LENG8: variants seen among roughly 807,000 people sequenced by gnomAD.
The protein encoded by LENG8 is leukocyte receptor cluster member 8, also known as leukocyte receptor cluster (LRC) member 8.
LENG8 carries 28 observed loss-of-function variants against 102.1 expected under a neutral mutation model. The observed-to-expected ratio is 0.27, with a 90% CI of 0.20 to 0.38. The LOEUF is 0.38. LENG8 is among the 10% of genes least tolerant of loss of function. The pLI, the probability that LENG8 is intolerant of heterozygous loss-of-function variation, is 1.00. For missense variants in LENG8, 1,022 were observed against 1,113.9 expected, an observed-to-expected ratio of 0.92 and a Z score of 1.17; for synonymous variants, 531 against 456.7, an observed-to-expected ratio of 1.16 and a Z score of -2.07.
At chr19:54,455,803 C>T (rs55854356) in intron 8 of LENG8, among the ~76,000 whole-genome samples, 164 bp from the exon 9 acceptor site, 6,304 of 152,176 alleles carry the variant, frequency 0.041, 212 homozygotes, top group South Asian at 0.13. Context: ...CCTCTGGAGA[C>T]GGAAAACCTG....
intron 5 of LENG8, 34 bp from the exon 6 acceptor site, chr19:54,454,396 G>A (rs1014689539): frequency 3.9e-6 from 6 of 1,554,204 alleles, no homozygotes; most frequent in Non-Finnish European, 1.7e-6. Context: ...CCCAGAATCT[G>A]CCTCCCGTGC....
At chr19:54,460,540 A>C in intron 15 of LENG8, 1 of 1,401,448 alleles carries the variant, frequency 7.1e-7, no homozygotes, top group East Asian at 2.7e-5. Flanking sequence ...TGGCCCCCGC[A>C]CAGGTAAGTG....
rs376535594 is a variant in LENG8, at chr19:54,455,553, G to A, written c.1011G>A (p.Arg337=). 7.7e-4 allele frequency: 1,234 copies of A among 1,611,188 alleles called. 16 individuals are homozygous for A. The South Asian group carries it at 0.013, about 17-fold the overall frequency. Residue 337 remains arginine, a synonymous_variant, in exon 8 of 16, where the codon CGG becomes CGA. Coordinates refer to ENST00000326764, the MANE Select transcript of LENG8 (RefSeq NM_052925.4). ...DGSAYTIDWS[R]EPLPGLTREP... ...CGGCCTATACCATTGACTGGAGCCG[G>A]GAGCCCTTGCCGGGGTTAGTCTGGG...
At chr19:54,456,273 T>G in intron 9 of LENG8, 28 bp downstream of exon 9, 1 of 1,613,980 alleles carries the variant, frequency 6.2e-7, no homozygotes, top group Non-Finnish European at 8.5e-7. Context: ...TGGGGCTGTG[T>G]GTGAGGGAGG....
At position 54,458,168 on chromosome 19, in the gene LENG8, T is replaced by C. The variant is rs746743510; in HGVS notation, c.1968T>C (p.Pro656=). ...QLKSLYAENL[P]GNVGEFTAYR... ...AGTCGCTGTACGCCGAGAACTTGCCTGGCAATGTGGGCGAGTTTACTGCCT... is the reference window on the plus strand; with the variant it reads ...AGTCGCTGTACGCCGAGAACTTGCCCGGCAATGTGGGCGAGTTTACTGCCT... Residue 656 remains proline (P), a synonymous_variant, in exon 14 of 16, where the codon CCT becomes CCC. Coordinates refer to ENST00000326764, the MANE Select transcript of LENG8 (RefSeq NM_052925.4). 2 of 1,614,212 alleles carry C rather than the reference T, an allele frequency of 1.2e-6. No individual in the cohort carries two copies. The highest frequency in any genetic ancestry group is 2.2e-5 in the South Asian group (2 of 91,088).
intron 1 of LENG8, among the ~76,000 whole-genome samples, chr19:54,450,564 A>G (rs1333876790): frequency 4.7e-5 from 7 of 148,316 alleles, no homozygotes; most frequent in Non-Finnish European, 8.9e-5. Context: ...GACTCTTCTC[A>G]TTATAGCATC....
At chr19:54,453,056 C>T (rs182558883) in intron 4 of LENG8, among the ~76,000 whole-genome samples, 4,702 of 152,322 alleles carry the variant, frequency 0.031, 120 homozygotes, top group South Asian at 0.13. Context: ...GCCCTGGCTG[C>T]AGTGCTCCCT....
At chr19:54,459,238 A>G in intron 15 of LENG8, 1 of 1,060,112 alleles carries the variant, frequency 9.4e-7, no homozygotes, top group Non-Finnish European at 1.1e-6. Context: ...AGTGGAGGCC[A>G]GGGATGCTGC....
rs755281707 is a variant in LENG8, at chr19:54,460,751, C to T, written c.2241-15C>T. 5.2e-6 allele frequency: 5 copies of T among 955,906 alleles called. No individual in the cohort carries two copies. Among genetic ancestry groups the T allele is most frequent in the African/African-American group, 1.8e-5 (1 of 56,700 alleles). The allele number at this position is 955,906 out of a possible 1,614,324, so 59.2% of individuals were successfully genotyped here. ...CGCCCGCCCGCCTCATCACCTTCTC[C>T]TCTTGTCTCCATAGCTTCCGCCCTG... On this transcript the variant is annotated splice_polypyrimidine_tract_variant and intron_variant, in intron 15 of 15. Coordinates refer to ENST00000326764, the MANE Select transcript of LENG8 (RefSeq NM_052925.4).
intron 15 of LENG8, chr19:54,460,321 G>T: frequency 8.1e-7 from 1 of 1,235,376 alleles, no homozygotes; most frequent in African/African-American, 1.5e-5. Context: ...TCAGTGTGTA[G>T]TGGTGAGTGC....
chr19:54,458,844 C>G (rs1367744928), intron 15 of LENG8: 1 of 1,550,808 alleles, frequency 6.4e-7, no homozygotes, highest in South Asian at 1.2e-5. Flanking sequence ...ACTCCTTGCC[C>G]TGGGCTTCCT....
At chr19:54,451,254 C>G in intron 1 of LENG8, 36 bp from the exon 2 acceptor site, 1 of 1,338,760 alleles carries the variant, frequency 7.5e-7, no homozygotes, top group Non-Finnish European at 1.1e-6. Context: ...TTTTAGCTCC[C>G]CCTTAAGTCT....
At chr19:54,450,618 CTTTTTTTTTTT>C (rs750997555) in intron 1 of LENG8, among the ~76,000 whole-genome samples, 1 of 108,840 alleles carries the variant, frequency 9.2e-6, no homozygotes, top group Admixed American at 1.0e-4. Context: ...TACTCCCTAG[CTTTTTTTTTTT>C]TTTTTTTTTT....
chr19:54,457,611 G>T, intron 11 of LENG8, 136 bp from the exon 12 acceptor site: 1 of 696,204 alleles, frequency 1.4e-6, no homozygotes, highest in South Asian at 1.7e-5. Flanking sequence ...AAAGTGCTGG[G>T]ATTACAGGCG....
Position 54,452,285 on chromosome 19 carries a change from G to C in LENG8, c.213+18G>C. On this transcript the variant is annotated intron_variant, in intron 3 of 15. Coordinates refer to ENST00000326764, the MANE Select transcript of LENG8 (RefSeq NM_052925.4). ...GTGCACAGGTGAGAAGGCCTCATGG[G>C]GCTGGGGTACCCTGAGCCAGAGGTT... 5.0e-6 allele frequency: 8 copies of C among 1,590,404 alleles called. No homozygotes were observed. The highest frequency in any genetic ancestry group is 6.9e-6 in the Non-Finnish European group (8 of 1,164,410).
At chr19:54,459,307 G>A (rs1225137955) in intron 15 of LENG8, 50 of 1,010,972 alleles carry the variant, frequency 4.9e-5, no homozygotes, top group Admixed American at 1.0e-4. Flanking sequence ...AATTCTGGTC[G>A]AAGAGGTTGA....
Position 54,451,507 on chromosome 19 carries a change from G to A in LENG8, c.38+125G>A, listed in dbSNP as rs918354347. Reference sequence around the variant, plus strand: ...GTGATGCCACAATCCCTGTGGGTGGGGGTGGTGGTGAGGCAAACACAGAGG... The same window carrying A: ...GTGATGCCACAATCCCTGTGGGTGGAGGTGGTGGTGAGGCAAACACAGAGG... On this transcript the variant is annotated intron_variant, in intron 2 of 15. Transcript: ENST00000326764. 9.5e-5 allele frequency: 93 copies of A among 978,320 alleles called. 1 individual carries two copies. The Admixed American group carries it at 1.5e-3, about 15-fold the overall frequency. 60.6% of individuals were successfully genotyped at this position (978,320 alleles called of 1,614,324 possible). A position where few individuals can be genotyped will look rare whatever the true frequency, so the allele number is the denominator to read the frequency against.
intron 6 of LENG8, 50 bp from the exon 7 acceptor site, chr19:54,454,901 C>G (rs191944265): frequency 1.9e-6 from 3 of 1,611,960 alleles, no homozygotes; most frequent in East Asian, 2.2e-5. Context: ...CCTGGGGACC[C>G]CTGGATGTGC....
In LENG8 at chr19:54,456,891, C is replaced by T. The variant is rs1212118274; in HGVS notation, c.1701C>T (p.Ala567=). Reference sequence around the variant, plus strand: ...AGCACTACCTGCGCCTCACCTGTGCCCCCGACCCGTCCACCGTGCGCCCTG... The same window carrying T: ...AGCACTACCTGCGCCTCACCTGTGCTCCCGACCCGTCCACCGTGCGCCCTG... ...ITKHYLRLTC[A]PDPSTVRPVA... is the part of the protein sequence containing the mutation. Residue 567 remains alanine, a synonymous_variant, in exon 11 of 16, where the codon GCC becomes GCT. Transcript: ENST00000326764. 6.8e-6 allele frequency: 11 copies of T among 1,609,016 alleles called. No homozygotes were observed. Among genetic ancestry groups the T allele is most frequent in the Non-Finnish European group, 8.5e-6 (10 of 1,179,788 alleles).
Sources: gnomAD v4.1 joint callset for allele counts (sites outside exome capture counted in the v4.1 genomes callset) on GRCh38, gnomAD v4.1.1 for gene constraint, MANE v1.5 for transcripts, NCBI Gene and HGNC (gene_info 2026-07-23, HGNC 2026-07-21) for gene names.